HAPLN3: variants seen among roughly 807,000 people sequenced by gnomAD.
HAPLN3 encodes extracellular link domain containing, 1.
In HAPLN3, 28 loss-of-function variants were observed where a neutral mutation model predicts 28.1. That is an observed-to-expected ratio of 1.00 (90% CI 0.74 to 1.37). HAPLN3 has a LOEUF of 1.37. HAPLN3 is among the 40% of genes most tolerant of loss of function. The pLI, the probability that HAPLN3 is intolerant of heterozygous loss-of-function variation, is 0.00. For missense variants in HAPLN3, 513 were observed against 504.6 expected (o/e 1.02, Z -0.16); for synonymous variants, 211 against 213.1 (o/e 0.99, Z 0.09).
chr15:88,893,116 T>TAA (rs147237068), intron 1 of HAPLN3: 14 of 776,996 alleles, frequency 1.8e-5, no homozygotes, highest in East Asian at 2.7e-5. Context: ...TCCTCATCTG[T>TAA]AAAAAAAAGG....
In HAPLN3 at chr15:88,879,962, G is replaced by A. The variant is rs1482477156; in HGVS notation, c.494-693C>T. On this transcript the variant is annotated intron_variant, in intron 3 of 4. Coordinates refer to ENST00000359595, the MANE Select transcript of HAPLN3 (RefSeq NM_178232.4). This position sits in a 1 kb window ranked among gnomAD's most constrained non-coding sequence, Gnocchi z 5.0. ...TCTACCAAGTCAATGAAACCTTAGGGAGTGGAGGTGACCCTAGGGGTCTGG... is the reference window on the plus strand; with the variant it reads ...TCTACCAAGTCAATGAAACCTTAGGAAGTGGAGGTGACCCTAGGGGTCTGG... The A allele has an allele frequency of 5.0e-6, 5 of 1,003,606 alleles. No individual in the cohort carries two copies. The highest frequency in any genetic ancestry group is 1.7e-5 in the African/African-American group (1 of 57,440). 62.2% of individuals were successfully genotyped at this position (1,003,606 alleles called of 1,614,324 possible). A position where few individuals can be genotyped will look rare whatever the true frequency, so the allele number is the denominator to read the frequency against.
rs772799052 is a variant in HAPLN3 at position 88,881,495 on chromosome 15, C to T, written c.355G>A (p.Val119Met). Residue 119 changes from valine to methionine, a missense_variant, in exon 3 of 5, where the codon GTG (valine) becomes ATG (methionine). Val to Met is a conservative substitution (Grantham distance 21). Transcript: ENST00000359595. This position sits in a 1 kb window ranked among gnomAD's most constrained non-coding sequence, Gnocchi z 6.0. ...HRSFGDYQGR[V>M]HLRQDKEHDV... ...TGCTCTTTGTCCTGCCGCAGGTGCA[C>T]GCGGCCTTGGTAGTCCCCAAAGGAG... 29 of 1,613,980 alleles carry T rather than the reference C, an allele frequency of 1.8e-5. No homozygotes were observed. The highest frequency in any genetic ancestry group is 3.3e-5 in the Admixed American group (2 of 60,008).
chr15:88,888,337 C>T lies in HAPLN3; in HGVS notation c.-47-992G>A, dbSNP rs982250622. 6.6e-6 allele frequency among the ~76,000 whole-genome samples: 1 copy of T among 151,984 alleles called. No individual in the cohort carries two copies. Among genetic ancestry groups the T allele is most frequent in the African/African-American group, 2.4e-5 (1 of 41,364 alleles). Reference sequence around the variant, plus strand: ...CAATCTCCTGACCTAGTGATCAGCCCGCCTCGGCCTCCCAAAGTGCTGAGA... The same window carrying T: ...CAATCTCCTGACCTAGTGATCAGCCTGCCTCGGCCTCCCAAAGTGCTGAGA... On this transcript the variant is annotated intron_variant, in intron 1 of 4. Transcript: ENST00000359595. This position sits in a 1 kb window ranked among gnomAD's most constrained non-coding sequence, Gnocchi z 4.1.
intron 1 of HAPLN3, among the ~76,000 whole-genome samples, chr15:88,894,414 C>T (rs777346712): frequency 6.6e-6 from 1 of 152,158 alleles, no homozygotes; most frequent in African/African-American, 2.4e-5. Flanking sequence ...CGCACTGGGC[C>T]TTCCGTGAGT....
Position 88,877,953 on chromosome 15 carries a change from G to T in HAPLN3, c.*17C>A, listed in dbSNP as rs753757253. ...ACACAGCCAGTGAGGGAATGCGGCA[G>T]GGGAGGGCCCCAGGTCCTAGTGCTG... On this transcript the variant is annotated 3_prime_UTR_variant, in exon 5 of 5. Coordinates refer to ENST00000359595, the MANE Select transcript of HAPLN3 (RefSeq NM_178232.4). This position sits in a 1 kb window ranked among gnomAD's most constrained non-coding sequence, Gnocchi z 5.1. 1 of 1,572,332 alleles carries T rather than the reference G, an allele frequency of 6.4e-7. No homozygotes were observed. The highest frequency in any genetic ancestry group is 8.6e-7 in the Non-Finnish European group (1 of 1,158,486).
In HAPLN3 at chr15:88,878,225, C is replaced by T. The variant is rs1279477269; in HGVS notation, c.828G>A (p.Lys276=). Residue 276 remains lysine, a synonymous_variant, in exon 5 of 5, where the codon AAG becomes AAA. Coordinates refer to ENST00000359595, the MANE Select transcript of HAPLN3 (RefSeq NM_178232.4). ...GRVYYLEHPE[K]LTLTEAREAC... ...CCTCCCTTGCCTCTGTCAGCGTCAGCTTCTCAGGGTGCTCCAGGTAGTACA... is the reference window on the plus strand; with the variant it reads ...CCTCCCTTGCCTCTGTCAGCGTCAGTTTCTCAGGGTGCTCCAGGTAGTACA... The T allele has an allele frequency of 6.2e-7, 1 of 1,613,772 alleles. No individual in the cohort carries two copies. The highest frequency in any genetic ancestry group is 1.3e-5 in the African/African-American group (1 of 74,934).
intron 2 of HAPLN3, among the ~76,000 whole-genome samples, chr15:88,886,101 G>A (rs1171403558): frequency 6.6e-6 from 1 of 152,112 alleles, no homozygotes. Flanking sequence ...TGTAATCCCA[G>A]CATTTTGGGA....
intron 1 of HAPLN3, among the ~76,000 whole-genome samples, chr15:88,889,813 G>A (rs893055074): frequency 5.9e-5 from 9 of 152,232 alleles, no homozygotes; most frequent in African/African-American, 2.2e-4. Context: ...ATGTAGCAAC[G>A]TGGAAGAATG....
Position 88,878,068 on chromosome 15 carries a change from G to A in HAPLN3, c.985C>T (p.His329Tyr). ...GGCTCTGGGGGCCCACAGTTAGGAT[G>A]CGGGTGAACCACAGGGTAGCGGACG... ...GSVRYPVVHP[H>Y]PNCGPPEPGV... The change falls in exon 5 of 5, where the codon CAT becomes TAT. Residue 329 changes from histidine (H) to tyrosine (Y), a missense_variant. Coordinates refer to ENST00000359595, the MANE Select transcript of HAPLN3 (RefSeq NM_178232.4). The A allele has an allele frequency of 6.2e-7, 1 of 1,614,074 alleles. No individual in the cohort carries two copies. Among genetic ancestry groups the A allele is most frequent in the Non-Finnish European group, 8.5e-7 (1 of 1,180,002 alleles).
In HAPLN3 at chr15:88,881,495, C is replaced by A. The variant is rs772799052; in HGVS notation, c.355G>T (p.Val119Leu). The change falls in exon 3 of 5, where the codon GTG becomes TTG. Residue 119 changes from valine to leucine, a missense_variant. Physicochemically the swap from Val to Leu is conservative, Grantham distance 32. Transcript: ENST00000359595. The surrounding 1 kb of genome is among the most constrained non-coding windows in gnomAD (Gnocchi z 6.0). ...HRSFGDYQGR[V>L]HLRQDKEHDV... is the part of the protein sequence containing the mutation. ...TGCTCTTTGTCCTGCCGCAGGTGCA[C>A]GCGGCCTTGGTAGTCCCCAAAGGAG... 5 of 1,613,980 alleles carry A rather than the reference C, an allele frequency of 3.1e-6. No homozygotes were observed. The highest frequency in any genetic ancestry group is 4.2e-6 in the Non-Finnish European group (5 of 1,180,054).
rs1201723738 is a variant in HAPLN3, at chr15:88,888,683, CT to C, written c.-47-1339del. Among the ~76,000 whole-genome samples, 1 of 152,128 alleles carries C rather than the reference CT, an allele frequency of 6.6e-6. No homozygotes were observed. Among genetic ancestry groups the C allele is most frequent in the Non-Finnish European group, 1.5e-5 (1 of 68,024 alleles). On this transcript the variant is annotated intron_variant, in intron 1 of 4. Coordinates refer to ENST00000359595, the MANE Select transcript of HAPLN3 (RefSeq NM_178232.4). The surrounding 1 kb of genome is among the most constrained non-coding windows in gnomAD (Gnocchi z 4.1). The stretch of plus-strand genomic sequence containing the variant: ...AAGATGGGGTCACTCCTTGAAGGAG[CT>C]TGGTCCAGGGAGGGGGCAGAGTCGT...
rs1897584241 is a variant in HAPLN3, at chr15:88,878,131, G to C, written c.922C>G (p.Leu308Val). Residue 308 changes from leucine to valine, a missense_variant, in exon 5 of 5, where the codon CTG (leucine) becomes GTG (valine). By Grantham distance (32) the Leu-to-Val change is conservative. Coordinates refer to ENST00000359595, the MANE Select transcript of HAPLN3 (RefSeq NM_178232.4). Reference sequence around the variant, plus strand: ...AGCCAGCCAGCGTCGCAGCGGTCCAGGCCATGGAACTTCCAGGCGGCAAAG... The same window carrying C: ...AGCCAGCCAGCGTCGCAGCGGTCCACGCCATGGAACTTCCAGGCGGCAAAG... ...QLFAAWKFHG[L>V]DRCDAGWLAD... is the part of the protein sequence containing the mutation. The C allele has an allele frequency of 6.2e-7, 1 of 1,614,054 alleles. No individual in the cohort carries two copies. Among genetic ancestry groups the C allele is most frequent in the African/African-American group, 1.3e-5 (1 of 74,950 alleles).
Position 88,880,487 on chromosome 15 carries a change from G to A in HAPLN3, c.493+870C>T. 1 of 1,258,772 alleles carries A rather than the reference G, an allele frequency of 7.9e-7. No individual in the cohort carries two copies. Among genetic ancestry groups the A allele is most frequent in the Non-Finnish European group, 1.0e-6 (1 of 965,602 alleles). 78.0% of individuals were successfully genotyped at this position (1,258,772 alleles called of 1,614,324 possible). ...ACCTGAGAGGCCCAGGGCTCTAAGG[G>A]GGATGAGGCATTTACCCACATGTCA... On this transcript the variant is annotated intron_variant, in intron 3 of 4. Coordinates refer to ENST00000359595, the MANE Select transcript of HAPLN3 (RefSeq NM_178232.4). The surrounding 1 kb of genome is among the most constrained non-coding windows in gnomAD (Gnocchi z 6.0).
At chr15:88,892,853 A>C in intron 1 of HAPLN3, 1 of 1,108,514 alleles carries the variant, frequency 9.0e-7, no homozygotes, top group Non-Finnish European at 1.3e-6. Flanking sequence ...GACCACTACC[A>C]CTGAGGGGAG....
rs1264843188 is a variant in HAPLN3, at chr15:88,879,492, G to C, written c.494-223C>G. ...TACTCAGAAAACATCCATGAGTTAA[G>C]GTAATTAATTAGTCCATTAATGTCC... On this transcript the variant is annotated intron_variant, in intron 3 of 4. Transcript: ENST00000359595. The surrounding 1 kb of genome is among the most constrained non-coding windows in gnomAD (Gnocchi z 5.0). 6.6e-7 allele frequency: 1 copy of C among 1,524,266 alleles called. No homozygotes were observed. Among genetic ancestry groups the C allele is most frequent in the South Asian group, 1.2e-5 (1 of 83,120 alleles). The allele number at this position is 1,524,266 out of a possible 1,614,324, so 94.4% of individuals were successfully genotyped here. A position where few individuals can be genotyped will look rare whatever the true frequency, so the allele number is the denominator to read the frequency against.
chr15:88,892,304 A>C (rs558470526), intron 1 of HAPLN3, among the ~76,000 whole-genome samples: 2 of 152,130 alleles, frequency 1.3e-5, no homozygotes, highest in East Asian at 3.9e-4. Flanking sequence ...TAAAAATATA[A>C]AAAATAGATG....
chr15:88,884,518 C>T lies in HAPLN3; in HGVS notation c.124+2657G>A, dbSNP rs189325786. 6.9e-3 allele frequency among the ~76,000 whole-genome samples: 1,047 copies of T among 152,178 alleles called. 17 individuals carry two copies. Among genetic ancestry groups the T allele is most frequent in the African/African-American group, 0.024 (999 of 41,534 alleles). ...GGCAGAGCTTGCAGTGAGCCGAGAT[C>T]GCGCCACTGCACTCCAGCCCAGGTG... On this transcript the variant is annotated intron_variant, in intron 2 of 4. Coordinates refer to ENST00000359595, the MANE Select transcript of HAPLN3 (RefSeq NM_178232.4).
chr15:88,893,546 A>G (rs1178680887), intron 1 of HAPLN3, among the ~76,000 whole-genome samples: 2 of 152,136 alleles, frequency 1.3e-5, no homozygotes, highest in Non-Finnish European at 2.9e-5. Flanking sequence ...GGCTGCCTGC[A>G]TTCAGTTCTG....
intron 4 of HAPLN3, among the ~76,000 whole-genome samples, 153 bp from the exon 5 acceptor site, chr15:88,878,409 T>C (rs1422164286): frequency 6.6e-6 from 1 of 152,182 alleles, no homozygotes; most frequent in Non-Finnish European, 1.5e-5. Context: ...ATCTTCACCC[T>C]GTCCCAGAGA....
Sources: allele counts gnomAD v4.1 joint callset (sites outside exome capture counted in the v4.1 genomes callset), GRCh38; gene constraint gnomAD v4.1.1; non-coding constraint Gnocchi (gnomAD v3.1); transcripts MANE v1.5; gene names NCBI Gene and HGNC (gene_info 2026-07-23, HGNC 2026-07-21).